DEFB129: variants seen among roughly 807,000 people sequenced by gnomAD.
DEFB129 encodes the protein beta-defensin 129.
In DEFB129, 2 loss-of-function variants were observed where a neutral mutation model predicts 2.5. That is an observed-to-expected ratio of 0.80 (90% CI 0.33 to 2.53). DEFB129 has a LOEUF of 2.53. Among genes scored for constraint, DEFB129 ranks in the 30% most tolerant of loss-of-function variants. The pLI is 0.11. For synonymous variants in DEFB129, 76 were observed against 74.4 expected (o/e 1.02, Z -0.11); for missense variants, 177 against 216.9 (o/e 0.82, Z 1.16).
chr20:228,909 G>T (rs1425283014), intron 1 of DEFB129, among the ~76,000 whole-genome samples: 1 of 152,100 alleles, frequency 6.6e-6, no homozygotes, highest in Non-Finnish European at 1.5e-5. Context: ...TTTTATGATG[G>T]ACTTGGCTCT....
chr20:229,356 A>G lies in DEFB129; in HGVS notation c.137A>G (p.Gln46Arg). Residue 46 changes from glutamine to arginine, a missense_variant, in exon 2 of 2, where the codon CAG becomes CGG. Coordinates refer to ENST00000246105, the MANE Select transcript of DEFB129 (RefSeq NM_080831.4). The stretch of plus-strand genomic sequence containing the variant: ...TGCAATGTGGATGAAAAAGAGATAC[A>G]GAAATGCAAGATGAAAAAATGTTGT... Reference protein sequence around the residue: ...DHCNVDEKEIQKCKMKKCCVG... With the variant: ...DHCNVDEKEIRKCKMKKCCVG... 4 of 1,614,172 alleles carry G rather than the reference A, an allele frequency of 2.5e-6. No homozygotes were observed. The highest frequency in any genetic ancestry group is 2.2e-5 in the East Asian group (1 of 44,886).
chr20:229,159 C>G, intron 1 of DEFB129, 119 bp from the exon 2 acceptor site: 1 of 1,335,314 alleles, frequency 7.5e-7, no homozygotes, highest in South Asian at 1.5e-5. Flanking sequence ...TTCCTAAACA[C>G]TGGGCTTAAA....
chr20:227,453 A>G, intron 1 of DEFB129, 107 bp downstream of exon 1: 1 of 1,327,092 alleles, frequency 7.5e-7, no homozygotes, highest in African/African-American at 1.4e-5. Context: ...TTAGCTGTTC[A>G]AAAAGATGGC....
rs765896284 is a variant in DEFB129 at position 229,546 on chromosome 20, CT to C, written c.333del (p.Phe111LeufsTer15). The C allele has an allele frequency of 1.9e-6, 3 of 1,614,028 alleles. No homozygotes were observed. The highest frequency in any genetic ancestry group is 2.5e-6 in the Non-Finnish European group (3 of 1,180,040). On this transcript the variant is annotated frameshift_variant, in exon 2 of 2. Transcript: ENST00000246105. LOFTEE classifies it low-confidence loss of function (END_TRUNC). ...SVLPQIKSTS[F>X]FANTNFVIIP... The stretch of plus-strand genomic sequence containing the variant: ...TTCTCCCCCAAATCAAAAGCACTAG[CT>C]TTTTTGCTAATACCAACTTTGTCAT...
At chr20:227,445 AG>A (rs1253017773) in intron 1 of DEFB129, 99 bp downstream of exon 1, 3 of 1,404,580 alleles carry the variant, frequency 2.1e-6, no homozygotes, top group African/African-American at 2.8e-5. Flanking sequence ...CTGAAAGATT[AG>A]CTGTTCAAAA....
chr20:228,579 A>G lies in DEFB129; in HGVS notation c.59-699A>G, dbSNP rs77924570. Among the ~76,000 whole-genome samples, 752 of 152,368 alleles carry G rather than the reference A, an allele frequency of 4.9e-3. 11 individuals carry two copies. In the East Asian group the frequency reaches 0.079, roughly 16 times the overall value. ...AGGGAGAAAAGCTTTCTTGATTCAG[A>G]AAAAAGAAACACGAGACATTAGGAT... On this transcript the variant is annotated intron_variant, in intron 1 of 1. Coordinates refer to ENST00000246105, the MANE Select transcript of DEFB129 (RefSeq NM_080831.4).
Position 229,665 on chromosome 20 carries a change from C to G in DEFB129, c.446C>G (p.Thr149Ser), listed in dbSNP as rs1053783. 0.11 allele frequency: 184,366 copies of G among 1,613,926 alleles called. 15,733 individuals are homozygous for G. Among genetic ancestry groups the G allele is most frequent in the African/African-American group, 0.42 (31,833 of 74,920 alleles). The part of the protein sequence containing the change: ...TYTATSTKSN[T>S]KESRDSATAS... ...ACTGCTACTTCTACCAAGAGTAACA[C>G]CAAAGAAAGCAGAGATTCTGCCACT... The change falls in exon 2 of 2, where the codon ACC (threonine) becomes AGC (serine). Residue 149 changes from threonine (T) to serine (S), a missense_variant. Thr to Ser is a moderately conservative substitution (Grantham distance 58). Coordinates refer to ENST00000246105, the MANE Select transcript of DEFB129 (RefSeq NM_080831.4).
intron 1 of DEFB129, among the ~76,000 whole-genome samples, chr20:228,895 T>C (rs2011308707): frequency 6.6e-6 from 1 of 152,202 alleles, no homozygotes; most frequent in South Asian, 2.1e-4. Flanking sequence ...CTTTCTTAAA[T>C]TAGTTTTATG....
intron 1 of DEFB129, 68 bp downstream of exon 1, chr20:227,414 T>G: frequency 6.4e-7 from 1 of 1,557,176 alleles, no homozygotes; most frequent in Non-Finnish European, 8.9e-7. Flanking sequence ...CCCATGACAA[T>G]GGAAACCCAA....
rs2122160289 is a variant in DEFB129 at position 229,427 on chromosome 20, G to A, written c.208G>A (p.Gly70Arg). 6.2e-7 allele frequency: 1 copy of A among 1,614,072 alleles called. No homozygotes were observed. The highest frequency in any genetic ancestry group is 2.2e-5 in the East Asian group (1 of 44,890). The change falls in exon 2 of 2, where the codon GGA becomes AGA. Residue 70 changes from glycine to arginine, a missense_variant. Physicochemically the swap from Gly to Arg is moderately radical, Grantham distance 125. Coordinates refer to ENST00000246105, the MANE Select transcript of DEFB129 (RefSeq NM_080831.4). ...ATTGATTAAAAACTACCTGCAATAT[G>A]GAACACCAAATGTACTTAATGAAGA... ...VKLIKNYLQY[G>R]TPNVLNEDVQ... is the part of the protein sequence containing the mutation.
chr20:229,160 T>A, intron 1 of DEFB129, 118 bp from the exon 2 acceptor site: 1 of 1,344,358 alleles, frequency 7.4e-7, no homozygotes, highest in South Asian at 1.5e-5. Context: ...TCCTAAACAC[T>A]GGGCTTAAAA....
intron 1 of DEFB129, 120 bp from the exon 2 acceptor site, chr20:229,158 A>C: frequency 7.5e-7 from 1 of 1,329,914 alleles, no homozygotes; most frequent in Non-Finnish European, 1.0e-6. Context: ...ATTCCTAAAC[A>C]CTGGGCTTAA....
intron 1 of DEFB129, 95 bp downstream of exon 1, chr20:227,441 G>A: frequency 1.4e-6 from 2 of 1,420,552 alleles, no homozygotes; most frequent in Non-Finnish European, 2.0e-6. Context: ...GAGACTGAAA[G>A]ATTAGCTGTT....
At position 229,623 on chromosome 20, in the gene DEFB129, C is replaced by T. The variant is rs1190758754; in HGVS notation, c.404C>T (p.Pro135Leu). ...MNSATISTMT[P>L]GQITYTATST... Reference sequence around the variant, plus strand: ...TCTGCCACCATCAGCACTATGACCCCAGGACAGATCACATACACTGCTACT... The same window carrying T: ...TCTGCCACCATCAGCACTATGACCCTAGGACAGATCACATACACTGCTACT... Residue 135 changes from proline to leucine, a missense_variant, in exon 2 of 2, where the codon CCA (proline) becomes CTA (leucine). By Grantham distance (98) the Pro-to-Leu change is moderately conservative (BLOSUM62 -3). Coordinates refer to ENST00000246105, the MANE Select transcript of DEFB129 (RefSeq NM_080831.4). 3.7e-6 allele frequency: 6 copies of T among 1,614,160 alleles called. No individual in the cohort carries two copies. The South Asian group carries it at 6.6e-5, about 18-fold the overall frequency.
In DEFB129 at chr20:229,838, T is replaced by C. The variant is rs2011322499; in HGVS notation, c.*67T>C. On this transcript the variant is annotated 3_prime_UTR_variant, in exon 2 of 2. Coordinates refer to ENST00000246105, the MANE Select transcript of DEFB129 (RefSeq NM_080831.4). The stretch of plus-strand genomic sequence containing the variant: ...TGCTATCTATAAAATGACATAGAAC[T>C]GTTTCCTCTGTCATCAGTCATTCAA... The C allele has an allele frequency of 1.3e-6, 2 of 1,524,092 alleles. No homozygotes were observed. The highest frequency in any genetic ancestry group is 2.6e-5 in the South Asian group (2 of 77,284). 94.4% of individuals were successfully genotyped at this position (1,524,092 alleles called of 1,614,324 possible).
rs2011317334 is a variant in DEFB129, at chr20:229,553, G to A, written c.334G>A (p.Ala112Thr). 1 of 1,614,012 alleles carries A rather than the reference G, an allele frequency of 6.2e-7. No individual in the cohort carries two copies. ...CCAAATCAAAAGCACTAGCTTTTTT[G>A]CTAATACCAACTTTGTCATCATTCC... ...LPQIKSTSFF[A>T]NTNFVIIPNA... Residue 112 changes from alanine to threonine, a missense_variant, in exon 2 of 2, where the codon GCT (alanine) becomes ACT (threonine). Ala to Thr is a moderately conservative substitution (Grantham distance 58). Transcript: ENST00000246105.
chr20:227,686 T>C (rs2011296600), intron 1 of DEFB129, among the ~76,000 whole-genome samples: 1 of 150,420 alleles, frequency 6.6e-6, no homozygotes, highest in South Asian at 2.1e-4. Context: ...ATTTCTATCT[T>C]AAAAGCCCTT....
Position 229,885 on chromosome 20 carries a change from C to A in DEFB129, c.*114C>A. 1 of 1,381,286 alleles carries A rather than the reference C, an allele frequency of 7.2e-7. No individual in the cohort carries two copies. The highest frequency in any genetic ancestry group is 9.6e-7 in the Non-Finnish European group (1 of 1,041,532). The allele number at this position is 1,381,286 out of a possible 1,614,324, so 85.6% of individuals were successfully genotyped here. ...TCAATAAACACTGTTTGAGCACCTA[C>A]AGTTTATGTAATATTATCATTCTCA... On this transcript the variant is annotated 3_prime_UTR_variant, in exon 2 of 2. Transcript: ENST00000246105.
rs1018544574 is a variant in DEFB129, at chr20:229,274, A to G, written c.59-4A>G. ...GCTCAATGGCTTTCTCTTTTTTTAT[A>G]CAGAATTTATTGGCTTGAGACGCTG... On this transcript the variant is annotated splice_polypyrimidine_tract_variant and splice_region_variant and intron_variant, in intron 1 of 1. Coordinates refer to ENST00000246105, the MANE Select transcript of DEFB129 (RefSeq NM_080831.4). 23 of 1,560,704 alleles carry G rather than the reference A, an allele frequency of 1.5e-5. No individual in the cohort carries two copies. Among genetic ancestry groups the G allele is most frequent in the Non-Finnish European group, 1.7e-5 (20 of 1,159,916 alleles).
Sources: gnomAD v4.1 joint callset for allele counts (sites outside exome capture counted in the v4.1 genomes callset) on GRCh38, gnomAD v4.1.1 for gene constraint, MANE v1.5 for transcripts, NCBI Gene and HGNC (gene_info 2026-07-23, HGNC 2026-07-21) for gene names.